THRB: variants seen among roughly 807,000 people sequenced by gnomAD.
The protein encoded by THRB is thyroid hormone receptor beta.
THRB carries 12 observed loss-of-function variants against 47.8 expected under a neutral mutation model. The observed-to-expected ratio is 0.25, with a 90% CI of 0.16 to 0.41. THRB has a LOEUF of 0.41. Ranked by LOEUF, THRB falls within the 10% of genes least tolerant of loss-of-function variation. THRB has a pLI of 1.00. For synonymous variants in THRB, 218 were observed against 212.2 expected, an observed-to-expected ratio of 1.03 and a Z score of -0.24; for missense variants, 348 against 589.2, an observed-to-expected ratio of 0.59 and a Z score of 4.24.
intron 3 of THRB, among the ~76,000 whole-genome samples, chr3:24,293,252 C>T (rs2056125713): frequency 6.6e-6 from 1 of 152,090 alleles, no homozygotes; most frequent in Non-Finnish European, 1.5e-5. Flanking sequence ...TTGAGCTTTC[C>T]CTAGAATGTG....
intron 1 of THRB, among the ~76,000 whole-genome samples, chr3:24,428,103 C>A (rs2069959308): frequency 6.6e-6 from 1 of 151,998 alleles, no homozygotes; most frequent in Non-Finnish European, 1.5e-5. Flanking sequence ...TAAAATATAT[C>A]AAATCAGTCC....
chr3:24,430,345 A>G (rs1039123199), intron 1 of THRB, among the ~76,000 whole-genome samples: 2 of 152,256 alleles, frequency 1.3e-5, no homozygotes, highest in Non-Finnish European at 2.9e-5. Context: ...TTCATTTATG[A>G]GAGGCTTTGC....
At chr3:24,218,387 G>A (rs1162389429) in intron 4 of THRB, among the ~76,000 whole-genome samples, 1 of 136,324 alleles carries the variant, frequency 7.3e-6, no homozygotes, top group East Asian at 2.1e-4. Context: ...TTAGCTGTAC[G>A]GAAAATTCTT....
intron 8 of THRB, among the ~76,000 whole-genome samples, chr3:24,140,470 G>T (rs1407696266): frequency 6.6e-6 from 1 of 152,158 alleles, no homozygotes; most frequent in African/African-American, 2.4e-5. Flanking sequence ...TCCCTGGGCT[G>T]CTTGGGAATC....
At chr3:24,386,532 CA>C (rs1178117900) in intron 1 of THRB, among the ~76,000 whole-genome samples, 1 of 152,074 alleles carries the variant, frequency 6.6e-6, no homozygotes, top group Admixed American at 6.6e-5. Context: ...TCTAACTTTC[CA>C]AAGTTAACCT....
chr3:24,477,472 C>T (rs1249213032), intron 1 of THRB, among the ~76,000 whole-genome samples: 1 of 152,038 alleles, frequency 6.6e-6, no homozygotes, highest in Non-Finnish European at 1.5e-5. Flanking sequence ...ATGCAGATCC[C>T]GGGTTCAGCA....
Position 24,482,616 on chromosome 3 carries a change from G to T in THRB, c.-261+12036C>A, listed in dbSNP as rs1312787273. ...ACCAATCCAGGACACAGGACCCCCAGCTTCCACCCTCTCACAATACACTCA... is the reference window on the plus strand; with the variant it reads ...ACCAATCCAGGACACAGGACCCCCATCTTCCACCCTCTCACAATACACTCA... On this transcript the variant is annotated intron_variant, in intron 1 of 10. Coordinates refer to ENST00000646209, the MANE Select transcript of THRB (RefSeq NM_001354712.2). Among the ~76,000 whole-genome samples the T allele has an allele frequency of 3.5e-5, 5 of 144,518 alleles. No individual in the cohort carries two copies. In the East Asian group the frequency reaches 1.0e-3, roughly 29 times the overall value. The allele number at this position is 144,518 out of a possible 152,430, so 94.8% of individuals were successfully genotyped here.
intron 1 of THRB, among the ~76,000 whole-genome samples, chr3:24,422,800 C>A (rs971653525): frequency 6.6e-6 from 1 of 151,834 alleles, no homozygotes; most frequent in African/African-American, 2.4e-5. Flanking sequence ...CCAAAGATGG[C>A]CACCATCAAT....
At chr3:24,269,684 C>A (rs1245880740) in intron 3 of THRB, among the ~76,000 whole-genome samples, 1 of 151,688 alleles carries the variant, frequency 6.6e-6, no homozygotes, top group Non-Finnish European at 1.5e-5. Context: ...AATCCTCCCA[C>A]CTCAGCCTCC....
At chr3:24,468,849 T>C (rs1415184445) in intron 1 of THRB, among the ~76,000 whole-genome samples, 1 of 152,230 alleles carries the variant, frequency 6.6e-6, no homozygotes, top group Non-Finnish European at 1.5e-5. Context: ...ATAAATCTGC[T>C]TGACGCATAG....
At chr3:24,461,764 C>T (rs2073721997) in intron 1 of THRB, among the ~76,000 whole-genome samples, 2 of 152,268 alleles carry the variant, frequency 1.3e-5, no homozygotes, top group South Asian at 4.1e-4. Flanking sequence ...GCATGTCATA[C>T]AGCATGCAAA....
chr3:24,169,321 T>C (rs1422140092), intron 5 of THRB, among the ~76,000 whole-genome samples: 1 of 152,142 alleles, frequency 6.6e-6, no homozygotes. Flanking sequence ...GCATTCCATT[T>C]GCCTCTACTT....
chr3:24,371,335 T>C (rs2064891651), intron 1 of THRB, among the ~76,000 whole-genome samples: 1 of 152,158 alleles, frequency 6.6e-6, no homozygotes. Flanking sequence ...AGAAAGGTTA[T>C]AATTGAAAAT....
chr3:24,313,054 G>T (rs2057862377), intron 2 of THRB, among the ~76,000 whole-genome samples: 1 of 152,126 alleles, frequency 6.6e-6, no homozygotes, highest in Non-Finnish European at 1.5e-5. Flanking sequence ...TTGGATTTGG[G>T]GGTGAGGGAA....
intron 2 of THRB, among the ~76,000 whole-genome samples, chr3:24,325,633 ATT>A (rs1349545579): frequency 1.9e-3 from 293 of 152,240 alleles, no homozygotes; most frequent in African/African-American, 6.8e-3. Flanking sequence ...GTTGCAGTGA[ATT>A]GAGATTATGC....
chr3:24,183,941 T>A lies in THRB; in HGVS notation c.283+6133A>T, dbSNP rs576242081. ...TTCATTAATATTTATTAATACGTTC[T>A]TGTAAAGATTTTTGAATGTGGTTGC... On this transcript the variant is annotated intron_variant, in intron 5 of 10. Coordinates refer to ENST00000646209, the MANE Select transcript of THRB (RefSeq NM_001354712.2). Among the ~76,000 whole-genome samples the A allele has an allele frequency of 3.9e-5, 6 of 152,338 alleles. No homozygotes were observed. In the South Asian group the frequency reaches 1.2e-3, roughly 32 times the overall value.
chr3:24,375,433 ATAATATTAATATATTATAG>A (rs2065211953), intron 1 of THRB, among the ~76,000 whole-genome samples: 1 of 144,330 alleles, frequency 6.9e-6, no homozygotes. Context: ...AGTTAGACAT[ATAATATTAATATATTATAG>A]TTAGACATAT....
Position 24,364,086 on chromosome 3 carries a change from G to A in THRB, c.-260-26715C>T, listed in dbSNP as rs1257916903. ...TCTTAATGAAACAAAGTACATACTGGGTTCAGTTATAAAGGCCTTGCCACT... is the reference window on the plus strand; with the variant it reads ...TCTTAATGAAACAAAGTACATACTGAGTTCAGTTATAAAGGCCTTGCCACT... On this transcript the variant is annotated intron_variant, in intron 1 of 10. Coordinates refer to ENST00000646209, the MANE Select transcript of THRB (RefSeq NM_001354712.2). 6.6e-5 allele frequency among the ~76,000 whole-genome samples: 10 copies of A among 152,094 alleles called. No individual in the cohort carries two copies. In the South Asian group the frequency reaches 1.9e-3, roughly 28 times the overall value.
chr3:24,144,501 T>A (rs2035852680), intron 7 of THRB: 1 of 152,284 alleles, frequency 6.6e-6, no homozygotes, highest in Non-Finnish European at 1.5e-5. Context: ...GAGTATTCAA[T>A]GTGATAATGC....
Sources: gnomAD v4.1 joint callset for allele counts (sites outside exome capture counted in the v4.1 genomes callset) on GRCh38, gnomAD v4.1.1 for gene constraint, MANE v1.5 for transcripts, NCBI Gene and HGNC (gene_info 2026-07-23, HGNC 2026-07-21) for gene names.